FSTL5: variants seen among roughly 807,000 people sequenced by gnomAD.
FSTL5 encodes the protein follistatin like 5.
In FSTL5, 62 loss-of-function variants were observed where a neutral mutation model predicts 89.1. The ratio of observed to expected loss-of-function variants is 0.70; its 90% CI spans 0.57 to 0.86. FSTL5 has a LOEUF of 0.86. FSTL5 is among the 40% of genes least tolerant of loss of function. The pLI is 0.00. For synonymous variants in FSTL5, 383 were observed against 346.2 expected, an observed-to-expected ratio of 1.11 and a Z score of -1.18; for missense variants, 1,057 against 1,001.6, an observed-to-expected ratio of 1.06 and a Z score of -0.75.
chr4:161,608,315 C>T (rs1358200888), intron 7 of FSTL5, among the ~76,000 whole-genome samples: 1 of 151,990 alleles, frequency 6.6e-6, no homozygotes, highest in African/African-American at 2.4e-5. Flanking sequence ...ACAAGGGGTG[C>T]CATTTTATAA....
intron 15 of FSTL5, among the ~76,000 whole-genome samples, chr4:161,437,682 T>C (rs777747282): frequency 2.0e-5 from 3 of 151,658 alleles, no homozygotes; most frequent in Non-Finnish European, 4.4e-5. Context: ...TAATTACAAA[T>C]GCAATATAAG....
At chr4:161,836,135 T>A (rs1731031099) in intron 4 of FSTL5, among the ~76,000 whole-genome samples, 2 of 151,862 alleles carry the variant, frequency 1.3e-5, no homozygotes, top group Admixed American at 1.3e-4. Flanking sequence ...TAAAAAATGA[T>A]GAGCTCATGT....
intron 13 of FSTL5, among the ~76,000 whole-genome samples, chr4:161,473,488 C>T (rs1734020813): frequency 6.8e-6 from 1 of 146,182 alleles, no homozygotes; most frequent in Non-Finnish European, 1.5e-5. Context: ...TGCAGTGGCA[C>T]AACCAAAGGT....
intron 6 of FSTL5, among the ~76,000 whole-genome samples, chr4:161,747,453 A>G (rs1339046318): frequency 4.6e-5 from 7 of 152,238 alleles, no homozygotes; most frequent in Non-Finnish European, 1.0e-4. Flanking sequence ...TATTCAATAA[A>G]GTGTTATTAT....
At chr4:162,117,363 T>C (rs1357237464) in intron 1 of FSTL5, among the ~76,000 whole-genome samples, 1 of 152,188 alleles carries the variant, frequency 6.6e-6, no homozygotes, top group Non-Finnish European at 1.5e-5. Flanking sequence ...GGAGAGCAAA[T>C]GGCATTTTCT....
At chr4:161,877,928 A>C (rs900990849) in intron 4 of FSTL5, among the ~76,000 whole-genome samples, 3 of 151,878 alleles carry the variant, frequency 2.0e-5, no homozygotes, top group Non-Finnish European at 4.4e-5. Flanking sequence ...TGCTGGGATT[A>C]CAGGCATGAG....
intron 4 of FSTL5, among the ~76,000 whole-genome samples, chr4:161,888,517 T>C (rs17041719): frequency 0.011 from 1,686 of 152,308 alleles, 37 homozygotes; most frequent in African/African-American, 0.039. Flanking sequence ...TAAACTTGCA[T>C]TGGTATTATA....
At chr4:161,513,272 G>GAGAGAGAGAGAGAGAGA (rs1730707497) in intron 10 of FSTL5, among the ~76,000 whole-genome samples, 1 of 109,978 alleles carries the variant, frequency 9.1e-6, no homozygotes, top group Non-Finnish European at 1.8e-5. Context: ...ACAAGGAGGG[G>GAGAGAGAGAGAGAGAGA]GAGAGAGAGA....
At chr4:161,826,638 T>C (rs1303389973) in intron 4 of FSTL5, among the ~76,000 whole-genome samples, 1 of 152,226 alleles carries the variant, frequency 6.6e-6, no homozygotes, top group Non-Finnish European at 1.5e-5. Context: ...TTTATCATTA[T>C]GTAATGCCTT....
chr4:161,463,578 G>C (rs1733651033), intron 13 of FSTL5, among the ~76,000 whole-genome samples: 2 of 152,130 alleles, frequency 1.3e-5, no homozygotes, highest in African/African-American at 4.8e-5. Context: ...ACTTTGGCAA[G>C]GGAATAAATA....
intron 1 of FSTL5, among the ~76,000 whole-genome samples, 154 bp downstream of exon 1, chr4:162,163,459 TAA>T (rs201735858): frequency 0.29 from 41,177 of 141,318 alleles, 6,876 homozygotes; most frequent in Admixed American, 0.41. Context: ...ATAATAATAA[TAA>T]TAATAATAGT....
chr4:161,750,959 CA>C (rs35476331), intron 6 of FSTL5, among the ~76,000 whole-genome samples: 18,642 of 151,760 alleles, frequency 0.12, 2,224 homozygotes, highest in African/African-American at 0.31. Context: ...ATTTGTATGA[CA>C]AAAAAAGCAA....
intron 4 of FSTL5, among the ~76,000 whole-genome samples, chr4:161,844,184 T>G (rs1478693927): frequency 6.6e-6 from 1 of 152,064 alleles, no homozygotes; most frequent in Non-Finnish European, 1.5e-5. Context: ...AATAAACATA[T>G]GAAAAAAGCT....
intron 2 of FSTL5, among the ~76,000 whole-genome samples, chr4:162,090,810 A>AACAC (rs750164662): frequency 2.6e-3 from 397 of 151,110 alleles, no homozygotes; most frequent in African/African-American, 8.5e-3. Context: ...CAGAGCCAGA[A>AACAC]ACACACACAC....
intron 1 of FSTL5, among the ~76,000 whole-genome samples, chr4:162,158,494 A>T (rs1165263992): frequency 6.6e-6 from 1 of 152,114 alleles, no homozygotes; most frequent in African/African-American, 2.4e-5. Flanking sequence ...AATAAGAGGC[A>T]TTTACATATA....
intron 2 of FSTL5, among the ~76,000 whole-genome samples, chr4:162,039,796 G>T (rs1737877741): frequency 6.6e-6 from 1 of 151,828 alleles, no homozygotes; most frequent in Non-Finnish European, 1.5e-5. Context: ...GCAAAAGATA[G>T]AAATAAATTC....
chr4:162,156,198 T>A (rs1330816077), intron 1 of FSTL5, among the ~76,000 whole-genome samples: 1 of 151,992 alleles, frequency 6.6e-6, no homozygotes, highest in Non-Finnish European at 1.5e-5. Context: ...TAAGACACCA[T>A]CTCGCACCAG....
chr4:161,734,925 C>A (rs1739735666), intron 6 of FSTL5, among the ~76,000 whole-genome samples: 1 of 152,096 alleles, frequency 6.6e-6, no homozygotes, highest in Non-Finnish European at 1.5e-5. Flanking sequence ...GAGCAAGCAA[C>A]TCTGTGAACC....
chr4:161,677,749 ATAAT>A (rs1227545564), intron 6 of FSTL5, among the ~76,000 whole-genome samples: 10 of 151,930 alleles, frequency 6.6e-5, no homozygotes, highest in African/African-American at 2.4e-4. Flanking sequence ...TTTCAAGTAT[ATAAT>A]ATATTGTTAT....
Sources: gnomAD v4.1 joint callset for allele counts (sites outside exome capture counted in the v4.1 genomes callset) on GRCh38, gnomAD v4.1.1 for gene constraint, MANE v1.5 for transcripts, NCBI Gene and HGNC (gene_info 2026-07-23, HGNC 2026-07-21) for gene names.